The following LCOR variants were observed in gnomAD, a reference collection of about 807,000 sequenced individuals.
LCOR encodes the protein ligand-dependent corepressor.
LCOR carries 14 observed loss-of-function variants against 64.4 expected under a neutral mutation model. The ratio of observed to expected loss-of-function variants is 0.22; its 90% confidence interval spans 0.14 to 0.34. LCOR has a LOEUF of 0.34. Among genes scored for constraint, LCOR ranks in the 10% least tolerant of loss-of-function variants. The probability of loss-of-function intolerance (pLI) is 1.00; values close to 1 mark genes in which losing one functional copy is unlikely to be tolerated. For synonymous variants in LCOR, 643 were observed against 642.5 expected (o/e 1.00, Z -0.01); for missense variants, 1,686 against 1,765.3 (o/e 0.96, Z 0.80).
Position 96,905,781 on chromosome 10 carries a change from GA to G in LCOR, c.-329-1479del, listed in dbSNP as rs529998455. ...ATCTTGATGGGAATTAAAGAGAGTT[GA>G]AAAACAATTGCTCCCTAACAATAAA... On this transcript the variant is annotated intron_variant, in intron 2 of 7. Transcript: ENST00000421806. 2.8e-3 allele frequency among the ~76,000 whole-genome samples: 431 copies of G among 152,172 alleles called. 1 individual carries two copies. Among genetic ancestry groups the G allele is most frequent in the Non-Finnish European group, 3.8e-3 (261 of 67,996 alleles).
intron 2 of LCOR, among the ~76,000 whole-genome samples, chr10:96,879,712 G>A (rs1413495216): frequency 6.6e-6 from 1 of 152,166 alleles, no homozygotes; most frequent in Admixed American, 6.5e-5. Flanking sequence ...GCCCAGGCTG[G>A]AGTGCAGTGC....
chr10:96,887,929 C>T (rs1846372055), intron 2 of LCOR, among the ~76,000 whole-genome samples: 1 of 151,706 alleles, frequency 6.6e-6, no homozygotes, highest in Non-Finnish European at 1.5e-5. Context: ...GATCCACCTG[C>T]CTCAACCTCC....
chr10:96,939,778 A>C (rs938752732), intron 4 of LCOR, among the ~76,000 whole-genome samples: 1 of 152,234 alleles, frequency 6.6e-6, no homozygotes, highest in Non-Finnish European at 1.5e-5. Flanking sequence ...CCTGGCCAAC[A>C]CGGTGAAATC....
At chr10:96,930,108 C>T (rs192673255) in intron 4 of LCOR, among the ~76,000 whole-genome samples, 2 of 152,184 alleles carry the variant, frequency 1.3e-5, no homozygotes, top group African/African-American at 4.8e-5. Flanking sequence ...GTGGTGTCAC[C>T]ATATGCTCTT....
chr10:96,963,989 A>G lies in LCOR; in HGVS notation c.332+11793A>G, dbSNP rs1847920383. The G allele has an allele frequency of 1.3e-5, 2 of 152,214 alleles. 1 individual carries two copies. Among genetic ancestry groups the G allele is most frequent in the South Asian group, 4.1e-4 (2 of 4,830 alleles). The allele number at this position is 152,214 out of a possible 1,614,324, so 9.4% of individuals were successfully genotyped here. A position where few individuals can be genotyped will look rare whatever the true frequency, so the allele number is the denominator to read the frequency against. The stretch of plus-strand genomic sequence containing the variant: ...ACTGTTTACAGTTTGATGGAATTGT[A>G]TAATTTAATATTTCTCTTGTACTGT... On this transcript the variant is annotated intron_variant, in intron 7 of 7. Coordinates refer to ENST00000421806, the MANE Select transcript of LCOR (RefSeq NM_001346516.2).
chr10:96,921,756 C>T (rs1847085630), intron 4 of LCOR, among the ~76,000 whole-genome samples: 2 of 152,170 alleles, frequency 1.3e-5, no homozygotes, highest in South Asian at 4.1e-4. Flanking sequence ...AAGCCACGGC[C>T]CCCAGCCCAG....
intron 2 of LCOR, among the ~76,000 whole-genome samples, chr10:96,849,927 A>G (rs1232668115): frequency 1.3e-5 from 2 of 149,986 alleles, no homozygotes; most frequent in Non-Finnish European, 3.0e-5. Flanking sequence ...GAATTGTCAG[A>G]AAGTCCTGCA....
chr10:96,863,180 G>A (rs1477254210), intron 2 of LCOR, among the ~76,000 whole-genome samples: 4 of 148,984 alleles, frequency 2.7e-5, no homozygotes, highest in African/African-American at 9.9e-5. Context: ...ACCATGCCCA[G>A]CCGAAGTAAT....
intron 2 of LCOR, among the ~76,000 whole-genome samples, chr10:96,885,939 G>A (rs989910802): frequency 6.6e-6 from 1 of 152,040 alleles, no homozygotes; most frequent in Admixed American, 6.5e-5. Context: ...GTGCAGTGGT[G>A]CAATCTCAGC....
chr10:96,992,488 CA>C lies in LCOR; in HGVS notation c.*7355del, dbSNP rs1264485128. The C allele has an allele frequency of 1.3e-5, 2 of 152,276 alleles. No homozygotes were observed. The highest frequency in any genetic ancestry group is 4.8e-5 in the African/African-American group (2 of 41,470). The allele number at this position is 152,276 out of a possible 1,614,324, so 9.4% of individuals were successfully genotyped here. On this transcript the variant is annotated 3_prime_UTR_variant, in exon 8 of 8. Transcript: ENST00000421806. ...CTTCACTGTATTTGGACAGATGCAA[CA>C]GAAGCACGTCTCCCCCACTGTCACC...
chr10:96,958,666 G>C, intron 7 of LCOR: 1 of 535,888 alleles, frequency 1.9e-6, no homozygotes, highest in Non-Finnish European at 3.3e-6. Flanking sequence ...TTACACTTGA[G>C]ATCAGTCATG....
intron 4 of LCOR, among the ~76,000 whole-genome samples, chr10:96,937,923 G>A (rs1847379412): frequency 6.6e-6 from 1 of 152,180 alleles, no homozygotes; most frequent in Non-Finnish European, 1.5e-5. Context: ...TCCCAGGAGT[G>A]CAAAGTTGGT....
intron 2 of LCOR, among the ~76,000 whole-genome samples, chr10:96,856,987 A>G (rs932848838): frequency 6.6e-6 from 1 of 152,008 alleles, no homozygotes; most frequent in Non-Finnish European, 1.5e-5. Context: ...CAGGAAGTAG[A>G]AAAAATAGAC....
intron 7 of LCOR, chr10:96,957,736 T>G (rs1271551673): frequency 2.1e-5 from 21 of 985,306 alleles, no homozygotes; most frequent in Non-Finnish European, 2.4e-5. Flanking sequence ...GCAACCTGTG[T>G]GTTCAAAGGT....
At chr10:96,902,301 T>C (rs1404428824) in intron 2 of LCOR, among the ~76,000 whole-genome samples, 2 of 152,212 alleles carry the variant, frequency 1.3e-5, no homozygotes, top group East Asian at 3.8e-4. Context: ...CATCAGTTCT[T>C]GTGCTGGGTA....
chr10:96,870,034 G>A (rs1741353358), intron 2 of LCOR, among the ~76,000 whole-genome samples: 1 of 152,020 alleles, frequency 6.6e-6, no homozygotes, highest in Non-Finnish European at 1.5e-5. Flanking sequence ...CTAACCATAA[G>A]TTCTTTGTTT....
At chr10:96,866,415 G>A (rs905761380) in intron 2 of LCOR, among the ~76,000 whole-genome samples, 2 of 152,094 alleles carry the variant, frequency 1.3e-5, no homozygotes, top group Non-Finnish European at 2.9e-5. Context: ...TTGCTGATGA[G>A]CATTTCGGTT....
intron 4 of LCOR, among the ~76,000 whole-genome samples, chr10:96,918,217 C>T (rs978670934): frequency 2.0e-5 from 3 of 152,146 alleles, no homozygotes; most frequent in African/African-American, 7.2e-5. Flanking sequence ...CATTTTGCAT[C>T]AGTTGTCTTC....
At chr10:96,847,879 G>A (rs1230639458) in intron 2 of LCOR, among the ~76,000 whole-genome samples, 1 of 152,190 alleles carries the variant, frequency 6.6e-6, no homozygotes, top group African/African-American at 2.4e-5. Flanking sequence ...CTGTGGCATG[G>A]GCAAGATAGC....
Sources: gnomAD v4.1 joint callset for allele counts (sites outside exome capture counted in the v4.1 genomes callset) on GRCh38, gnomAD v4.1.1 for gene constraint, MANE v1.5 for transcripts, NCBI Gene and HGNC (gene_info 2026-07-23, HGNC 2026-07-21) for gene names.